The following MDFIC variants were observed in gnomAD, a reference collection of about 807,000 sequenced individuals.
MDFIC encodes the protein myoD family inhibitor domain-containing protein.
A neutral mutation model predicts 23.2 loss-of-function variants in MDFIC; 17 were observed. The observed-to-expected ratio is 0.73, with a 90% CI of 0.50 to 1.10. MDFIC has a LOEUF of 1.10. Ranked by LOEUF, MDFIC falls within the 50% of genes least tolerant of loss-of-function variation. The pLI, the probability that MDFIC is intolerant of heterozygous loss-of-function variation, is 0.00. For synonymous variants in MDFIC, 120 were observed against 115.2 expected (o/e 1.04, Z -0.27); for missense variants, 356 against 316.6 (o/e 1.12, Z -0.95).
chr7:114,931,067 T>C (rs1792299332), intron 2 of MDFIC, among the ~76,000 whole-genome samples: 1 of 151,958 alleles, frequency 6.6e-6, no homozygotes, highest in Non-Finnish European at 1.5e-5. Flanking sequence ...CCCCTTTTCC[T>C]CCTCCCTCTC....
At chr7:114,932,171 A>G (rs1272039143) in intron 2 of MDFIC, among the ~76,000 whole-genome samples, 1 of 152,238 alleles carries the variant, frequency 6.6e-6, no homozygotes, top group Admixed American at 6.5e-5. Flanking sequence ...TAAAATATCT[A>G]TGTTCAAATA....
At chr7:114,947,413 G>T (rs1157333874) in intron 3 of MDFIC, among the ~76,000 whole-genome samples, 6 of 152,106 alleles carry the variant, frequency 3.9e-5, no homozygotes, top group Non-Finnish European at 8.8e-5. Context: ...GATCTTTATG[G>T]TCAGTTATTC....
At chr7:114,938,979 T>G (rs560580847) in intron 2 of MDFIC, among the ~76,000 whole-genome samples, 2 of 152,210 alleles carry the variant, frequency 1.3e-5, no homozygotes, top group African/African-American at 2.4e-5. Context: ...ACTCAACCAA[T>G]TGAAAGCTTT....
intron 3 of MDFIC, among the ~76,000 whole-genome samples, chr7:114,968,259 AC>A (rs1012719736): frequency 6.6e-6 from 1 of 152,110 alleles, no homozygotes; most frequent in Non-Finnish European, 1.5e-5. Context: ...TAAAATTAAT[AC>A]CCCCCAAATC....
At chr7:114,952,258 G>C (rs1052780416) in intron 3 of MDFIC, among the ~76,000 whole-genome samples, 1 of 152,174 alleles carries the variant, frequency 6.6e-6, no homozygotes, top group Non-Finnish European at 1.5e-5. Flanking sequence ...GGAAGGCAGT[G>C]GTTCTCAGCT....
intron 4 of MDFIC, among the ~76,000 whole-genome samples, chr7:115,005,852 G>A (rs1791559006): frequency 6.6e-6 from 1 of 152,126 alleles, no homozygotes; most frequent in Non-Finnish European, 1.5e-5. Context: ...GGGTGGAGAG[G>A]GAGGAATGTG....
At chr7:114,959,743 C>T (rs1251187756) in intron 3 of MDFIC, among the ~76,000 whole-genome samples, 1 of 151,468 alleles carries the variant, frequency 6.6e-6, no homozygotes, top group Non-Finnish European at 1.5e-5. Context: ...TAGATACAAA[C>T]ATAGAATGGT....
At chr7:114,949,826 G>T (rs1216474069) in intron 3 of MDFIC, among the ~76,000 whole-genome samples, 2 of 152,118 alleles carry the variant, frequency 1.3e-5, no homozygotes, top group Non-Finnish European at 2.9e-5. Flanking sequence ...GCTTTCCAGT[G>T]GAAGTGTTGT....
chr7:114,955,965 C>T (rs1029327148), intron 3 of MDFIC, among the ~76,000 whole-genome samples: 1 of 152,142 alleles, frequency 6.6e-6, no homozygotes. Context: ...AAGCAACTGA[C>T]CTGGGGCCAT....
At chr7:115,007,987 C>T (rs372482837) in intron 4 of MDFIC, among the ~76,000 whole-genome samples, 62 of 151,556 alleles carry the variant, frequency 4.1e-4, no homozygotes, top group East Asian at 2.5e-3. Context: ...AATGAACTAC[C>T]GCACCCCAGC....
At chr7:114,925,652 G>A (rs1481279194) in intron 2 of MDFIC, among the ~76,000 whole-genome samples, 1 of 152,206 alleles carries the variant, frequency 6.6e-6, no homozygotes, top group Non-Finnish European at 1.5e-5. Flanking sequence ...GGGATTTTGG[G>A]GAACTGGAGA....
intron 2 of MDFIC, among the ~76,000 whole-genome samples, chr7:114,927,243 T>A (rs1792209742): frequency 6.6e-6 from 1 of 152,184 alleles, no homozygotes. Context: ...CAGGTGCTCC[T>A]TAACTCTAGT....
At chr7:114,985,791 G>T (rs947863940) in intron 4 of MDFIC, among the ~76,000 whole-genome samples, 1 of 151,772 alleles carries the variant, frequency 6.6e-6, no homozygotes, top group Non-Finnish European at 1.5e-5. Context: ...GAATGAACCA[G>T]TCTACGGAGC....
At chr7:114,971,734 T>A (rs1165857928) in intron 3 of MDFIC, among the ~76,000 whole-genome samples, 1 of 152,048 alleles carries the variant, frequency 6.6e-6, no homozygotes, top group East Asian at 1.9e-4. Context: ...TATAGTGGAT[T>A]TTTTTTTCTT....
chr7:114,949,624 T>C (rs946544116), intron 3 of MDFIC, among the ~76,000 whole-genome samples: 1 of 152,216 alleles, frequency 6.6e-6, no homozygotes, highest in Non-Finnish European at 1.5e-5. Flanking sequence ...GCTTACAGTT[T>C]ACCAACTGAG....
In MDFIC at chr7:114,939,588, GC is replaced by G. The variant is rs140005312; in HGVS notation, c.95-2685del. Among the ~76,000 whole-genome samples, 1,131 of 152,110 alleles carry G rather than the reference GC, an allele frequency of 7.4e-3. 10 individuals carry two copies. The highest frequency in any genetic ancestry group is 0.025 in the African/African-American group (1,056 of 41,480). ...TAGAGCAGGAAGAACTTTATTTTTT[GC>G]CTAGAGTGGGTTATATAGTTGTGCA... is the stretch of plus-strand genomic sequence containing the variant. On this transcript the variant is annotated intron_variant, in intron 2 of 4. Coordinates refer to ENST00000393486, the MANE Select transcript of MDFIC (RefSeq NM_001166345.3).
intron 2 of MDFIC, among the ~76,000 whole-genome samples, chr7:114,938,372 A>T (rs1792472085): frequency 1.3e-5 from 2 of 152,332 alleles, no homozygotes; most frequent in Admixed American, 1.3e-4. Flanking sequence ...TGACAAGGGG[A>T]TGAGTAGCAA....
intron 2 of MDFIC, among the ~76,000 whole-genome samples, chr7:114,932,140 A>C (rs531201822): frequency 7.2e-5 from 11 of 152,220 alleles, no homozygotes; most frequent in Non-Finnish European, 1.5e-4. Flanking sequence ...AAAGTATAGG[A>C]GTTTACAATA....
intron 3 of MDFIC, among the ~76,000 whole-genome samples, chr7:114,974,786 C>T (rs867711617): frequency 1.9e-4 from 29 of 152,018 alleles, no homozygotes; most frequent in African/African-American, 5.8e-4. Context: ...TATTGAAAAT[C>T]GCTAGACCTA....
Sources: gnomAD v4.1 joint callset for allele counts (sites outside exome capture counted in the v4.1 genomes callset) on GRCh38, gnomAD v4.1.1 for gene constraint, MANE v1.5 for transcripts, NCBI Gene and HGNC (gene_info 2026-07-23, HGNC 2026-07-21) for gene names.